Variants in GLRA3 observed in about 807,000 individuals in gnomAD.
GLRA3 encodes the protein glycine receptor subunit alpha-3.
Under a neutral mutation model 60.4 loss-of-function variants are expected in GLRA3, and 44 were observed. The observed-to-expected ratio is 0.73, with a 90% CI of 0.57 to 0.94. The LOEUF (loss-of-function observed/expected upper bound fraction) is 0.94, where lower values mean the gene tolerates loss of function less well. Among genes scored for constraint, GLRA3 ranks in the 40% least tolerant of loss-of-function variants. The probability of loss-of-function intolerance (pLI) is 0.00; values close to 1 mark genes in which losing one functional copy is unlikely to be tolerated. For synonymous variants in GLRA3, 223 were observed against 192.9 expected, an observed-to-expected ratio of 1.16 and a Z score of -1.29; for missense variants, 508 against 564.6, an observed-to-expected ratio of 0.90 and a Z score of 1.02.
chr4:174,746,359 G>A (rs925274282), intron 3 of GLRA3, among the ~76,000 whole-genome samples: 4 of 152,088 alleles, frequency 2.6e-5, no homozygotes, highest in Non-Finnish European at 4.4e-5. Context: ...GGAAAGAGCT[G>A]CAGGTCATTC....
chr4:174,644,114 T>A, intron 9 of GLRA3, 50 bp from the exon 10 acceptor site: 1 of 1,028,206 alleles, frequency 9.7e-7, no homozygotes, highest in East Asian at 2.4e-5. Flanking sequence ...ATAGAGCATG[T>A]ATAACAGGCA....
intron 1 of GLRA3, among the ~76,000 whole-genome samples, chr4:174,821,705 T>C (rs1740747384): frequency 1.3e-5 from 2 of 152,108 alleles, no homozygotes. Context: ...ACAATACAAA[T>C]GCATTACACA....
chr4:174,759,043 A>G (rs111294331), intron 3 of GLRA3, among the ~76,000 whole-genome samples: 1 of 152,286 alleles, frequency 6.6e-6, no homozygotes, highest in South Asian at 2.1e-4. Context: ...GGATATTTAT[A>G]GCAAACTCAA....
intron 5 of GLRA3, among the ~76,000 whole-genome samples, chr4:174,699,750 T>C (rs1012405852): frequency 6.8e-6 from 1 of 147,982 alleles, no homozygotes; most frequent in Non-Finnish European, 1.5e-5. Flanking sequence ...GTTTAAATTA[T>C]CCTTATTTTA....
At chr4:174,730,473 T>C (rs1736510106) in intron 3 of GLRA3, among the ~76,000 whole-genome samples, 1 of 152,234 alleles carries the variant, frequency 6.6e-6, no homozygotes, top group African/African-American at 2.4e-5. Flanking sequence ...ATTTATAAGA[T>C]ACATAATCAA....
At chr4:174,778,606 T>C (rs1216802620) in intron 2 of GLRA3, among the ~76,000 whole-genome samples, 1 of 152,074 alleles carries the variant, frequency 6.6e-6, no homozygotes, top group Non-Finnish European at 1.5e-5. Context: ...TGGGCGCAGG[T>C]CAGTGGGTGC....
At chr4:174,677,316 A>G (rs1375697724) in intron 6 of GLRA3, 24 bp from the exon 7 acceptor site, 1 of 1,318,022 alleles carries the variant, frequency 7.6e-7, no homozygotes. Flanking sequence ...AGGTAAATAC[A>G]GCAATTAGTA....
At chr4:174,707,974 T>C (rs1222966034) in intron 5 of GLRA3, among the ~76,000 whole-genome samples, 2 of 152,192 alleles carry the variant, frequency 1.3e-5, no homozygotes, top group Non-Finnish European at 2.9e-5. Context: ...GAATACTTAA[T>C]GTTTAAGTGG....
chr4:174,706,954 T>A (rs774971161), intron 5 of GLRA3, among the ~76,000 whole-genome samples: 14 of 152,072 alleles, frequency 9.2e-5, no homozygotes, highest in Non-Finnish European at 1.5e-4. Flanking sequence ...AGAATTAGGG[T>A]CATAAAGGAA....
At chr4:174,729,215 T>C (rs978319293) in intron 3 of GLRA3, among the ~76,000 whole-genome samples, 23 of 152,238 alleles carry the variant, frequency 1.5e-4, no homozygotes, top group Non-Finnish European at 2.6e-4. Context: ...GTTAGACACT[T>C]AGAGAAAGAT....
chr4:174,805,122 A>C (rs1391811478), intron 1 of GLRA3, among the ~76,000 whole-genome samples: 2 of 152,158 alleles, frequency 1.3e-5, no homozygotes, highest in Admixed American at 1.3e-4. Flanking sequence ...GTTAAAAAAG[A>C]AATGATTTGG....
At position 174,692,942 on chromosome 4, in the gene GLRA3, A is replaced by T. The variant is rs138722159; in HGVS notation, c.575-10003T>A. Among the ~76,000 whole-genome samples, 909 of 146,030 alleles carry T rather than the reference A, an allele frequency of 6.2e-3. 10 individuals carry two copies. Among genetic ancestry groups the T allele is most frequent in the African/African-American group, 0.022 (877 of 40,236 alleles). On this transcript the variant is annotated intron_variant, in intron 5 of 9. Transcript: ENST00000274093. ...AACACCCAAAAATGATCAATAAAAA[A>T]AAAATAAAAAAAAAAAAAGAAAAGT...
intron 7 of GLRA3, among the ~76,000 whole-genome samples, chr4:174,673,663 C>G (rs978727599): frequency 3.3e-5 from 5 of 152,236 alleles, no homozygotes; most frequent in Non-Finnish European, 7.4e-5. Flanking sequence ...CTTTCTTCCA[C>G]TAGAAAAATC....
intron 1 of GLRA3, among the ~76,000 whole-genome samples, chr4:174,797,691 G>A (rs1176260527): frequency 2.6e-5 from 4 of 152,004 alleles, no homozygotes; most frequent in South Asian, 2.1e-4. Flanking sequence ...TCCCAGCACC[G>A]GGCGGCCAAG....
intron 1 of GLRA3, among the ~76,000 whole-genome samples, chr4:174,800,484 C>A (rs1312148631): frequency 2.0e-5 from 3 of 152,042 alleles, no homozygotes; most frequent in African/African-American, 7.2e-5. Context: ...TTTAGCACTT[C>A]CTTTCAGTCA....
chr4:174,761,552 C>T (rs1324468654), intron 3 of GLRA3, among the ~76,000 whole-genome samples: 2 of 152,150 alleles, frequency 1.3e-5, no homozygotes, highest in Non-Finnish European at 2.9e-5. Flanking sequence ...ATTTTATGGG[C>T]ACTGGTGAAA....
At chr4:174,680,107 G>T (rs1281748951) in intron 6 of GLRA3, among the ~76,000 whole-genome samples, 1 of 152,024 alleles carries the variant, frequency 6.6e-6, no homozygotes, top group African/African-American at 2.4e-5. Context: ...AATATCACAT[G>T]TACCTCCAAA....
chr4:174,652,738 A>G (rs987425151), intron 9 of GLRA3, among the ~76,000 whole-genome samples: 12 of 152,134 alleles, frequency 7.9e-5, no homozygotes, highest in African/African-American at 2.7e-4. Flanking sequence ...AAGGGTGCAT[A>G]CAGTCATTGA....
chr4:174,692,953 A>G (rs72706167), intron 5 of GLRA3, among the ~76,000 whole-genome samples: 1 of 151,700 alleles, frequency 6.6e-6, no homozygotes, highest in Non-Finnish European at 1.5e-5. Context: ...AAAATAAAAA[A>G]AAAAAAAGAA....
Sources: allele counts gnomAD v4.1 joint callset (sites outside exome capture counted in the v4.1 genomes callset), GRCh38; gene constraint gnomAD v4.1.1; transcripts MANE v1.5; gene names NCBI Gene and HGNC (gene_info 2026-07-23, HGNC 2026-07-21).